The following STK31 variants were observed in gnomAD, a reference collection of about 807,000 sequenced individuals.
STK31 encodes serine/threonine kinase 31.
A neutral mutation model predicts 129.7 loss-of-function variants in STK31; 89 were observed. That is an observed-to-expected ratio of 0.69 (90% CI 0.58 to 0.82). The LOEUF is 0.82. Among genes scored for constraint, STK31 ranks in the 40% least tolerant of loss-of-function variants. The pLI is 0.00. For synonymous variants in STK31, 448 were observed against 395.3 expected, an observed-to-expected ratio of 1.13 and a Z score of -1.58; for missense variants, 1,187 against 1,176.4, an observed-to-expected ratio of 1.01 and a Z score of -0.13.
chr7:23,732,227 C>A (rs151282270), intron 6 of STK31, among the ~76,000 whole-genome samples: 3,409 of 151,508 alleles, frequency 0.023, 55 homozygotes, highest in Non-Finnish European at 0.034. Flanking sequence ...GGGAGGATTG[C>A]TTGAGCTTGA....
chr7:23,802,621 C>G (rs1384368675), intron 22 of STK31, among the ~76,000 whole-genome samples: 1 of 152,192 alleles, frequency 6.6e-6, no homozygotes, highest in Non-Finnish European at 1.5e-5. Flanking sequence ...TCAAATGATT[C>G]TTGTGCCTCA....
chr7:23,824,376 C>G (rs527794861), intron 23 of STK31, among the ~76,000 whole-genome samples: 6 of 152,270 alleles, frequency 3.9e-5, no homozygotes, highest in African/African-American at 1.4e-4. Flanking sequence ...AATGGGAGTT[C>G]ACTGATGATT....
At chr7:23,764,379 C>T (rs1789679638) in intron 11 of STK31, among the ~76,000 whole-genome samples, 1 of 152,146 alleles carries the variant, frequency 6.6e-6, no homozygotes, top group Non-Finnish European at 1.5e-5. Context: ...CTAGTATTCC[C>T]TCAGGTCACC....
rs188891472 is a variant in STK31 at position 23,756,750 on chromosome 7, C to A, written c.1293+2276C>A. ...CTTTCTGCATCTATTGAGATAGTCA[C>A]GTGGTTTTTGTCATTGGTTCTGTTT... is the stretch of plus-strand genomic sequence containing the variant. On this transcript the variant is annotated intron_variant, in intron 10 of 23. Coordinates refer to ENST00000355870, the MANE Select transcript of STK31 (RefSeq NM_031414.5). Among the ~76,000 whole-genome samples the A allele has an allele frequency of 2.0e-5, 3 of 152,216 alleles. No individual in the cohort carries two copies. In the East Asian group the frequency reaches 5.8e-4, roughly 29 times the overall value.
chr7:23,717,628 C>T, intron 4 of STK31, 49 bp downstream of exon 4: 3 of 1,428,676 alleles, frequency 2.1e-6, no homozygotes, highest in South Asian at 2.5e-5. Context: ...TGTCAGCTTT[C>T]CTGTGTCTTA....
upstream of STK31, chr7:23,710,194 C>T (rs908751101): frequency 7.5e-6 from 12 of 1,600,426 alleles, no homozygotes; most frequent in Admixed American, 1.7e-5. Flanking sequence ...CAGCGCTGTG[C>T]ACGCAGGCGC....
At position 23,734,881 on chromosome 7, in the gene STK31, CT is replaced by C. The variant is rs1787626281; in HGVS notation, c.484-655del. Among the ~76,000 whole-genome samples, 5 of 152,158 alleles carry C rather than the reference CT, an allele frequency of 3.3e-5. No individual in the cohort carries two copies. In the South Asian group the frequency reaches 1.0e-3, roughly 32 times the overall value. On this transcript the variant is annotated intron_variant, in intron 6 of 23. Coordinates refer to ENST00000355870, the MANE Select transcript of STK31 (RefSeq NM_031414.5). ...TGGGGAGGCTGAGGCAGGAGAATCGCTTGAACCGGGGAGGCAGAGGTTGCAA... is the reference window on the plus strand; with the variant it reads ...TGGGGAGGCTGAGGCAGGAGAATCGCTGAACCGGGGAGGCAGAGGTTGCAA...
chr7:23,766,854 ATTG>A (rs1435289791), intron 11 of STK31, among the ~76,000 whole-genome samples: 2 of 152,040 alleles, frequency 1.3e-5, no homozygotes, highest in Admixed American at 1.3e-4. Context: ...TGGCTAATCT[ATTG>A]TTTAAAATCT....
chr7:23,784,505 G>T (rs1394647165), intron 17 of STK31, among the ~76,000 whole-genome samples: 3 of 151,994 alleles, frequency 2.0e-5, no homozygotes. Context: ...TGCCACATGG[G>T]ACTTGAAAAT....
At position 23,808,167 on chromosome 7, in the gene STK31, A is replaced by ATTTT. The variant is rs113421154; in HGVS notation, c.2761-6976_2761-6975insTTTT. 3.5e-3 allele frequency among the ~76,000 whole-genome samples: 420 copies of ATTTT among 121,048 alleles called. 7 individuals carry two copies. The highest frequency in any genetic ancestry group is 4.9e-3 in the African/African-American group (172 of 35,326). 79.4% of individuals were successfully genotyped at this position (121,048 alleles called of 152,430 possible). On this transcript the variant is annotated intron_variant, in intron 22 of 23. Coordinates refer to ENST00000355870, the MANE Select transcript of STK31 (RefSeq NM_031414.5). The stretch of plus-strand genomic sequence containing the variant: ...TCCTTTTTAATATATATATATATAT[A>ATTTT]TATTTTTTGTAGGCAGCCACCCTGT...
At chr7:23,750,595 A>G (rs1788653371) in intron 8 of STK31, among the ~76,000 whole-genome samples, 1 of 152,168 alleles carries the variant, frequency 6.6e-6, no homozygotes, top group South Asian at 2.1e-4. Flanking sequence ...TTATTTACAA[A>G]CCACAAATTT....
intron 8 of STK31, among the ~76,000 whole-genome samples, chr7:23,744,696 T>G (rs189685768): frequency 6.6e-6 from 1 of 152,308 alleles, no homozygotes; most frequent in Admixed American, 6.5e-5. Context: ...CTTTGTATGA[T>G]TCCTTTGGAT....
chr7:23,756,224 C>G (rs1789074747), intron 10 of STK31, among the ~76,000 whole-genome samples: 1 of 152,034 alleles, frequency 6.6e-6, no homozygotes, highest in South Asian at 2.1e-4. Context: ...CCCTTATTAG[C>G]TGTATTCCTA....
At chr7:23,794,226 G>C (rs1791812230) in intron 22 of STK31, among the ~76,000 whole-genome samples, 1 of 152,184 alleles carries the variant, frequency 6.6e-6, no homozygotes, top group African/African-American at 2.4e-5. Context: ...AATCATGGGG[G>C]TAGTTTCCCC....
chr7:23,806,299 A>G (rs1354105046), intron 22 of STK31, among the ~76,000 whole-genome samples: 4 of 152,176 alleles, frequency 2.6e-5, no homozygotes, highest in Non-Finnish European at 5.9e-5. Context: ...TTTGTTTGGA[A>G]TACAGGTACA....
intron 6 of STK31, among the ~76,000 whole-genome samples, chr7:23,732,378 A>AT (rs1388289125): frequency 6.6e-6 from 1 of 152,198 alleles, no homozygotes; most frequent in Non-Finnish European, 1.5e-5. Context: ...ATTTCTTATG[A>AT]TAAAAATTAA....
intron 8 of STK31, among the ~76,000 whole-genome samples, chr7:23,742,773 C>G (rs768440743): frequency 2.6e-5 from 4 of 152,020 alleles, no homozygotes; most frequent in Non-Finnish European, 5.9e-5. Context: ...CAAAATGTGT[C>G]TACTTAACTA....
chr7:23,828,671 G>A (rs186465805), intron 23 of STK31, among the ~76,000 whole-genome samples: 14 of 152,254 alleles, frequency 9.2e-5, no homozygotes, highest in South Asian at 2.1e-4. Context: ...GAAATCACCC[G>A]TCTTCTGCGT....
Position 23,832,122 on chromosome 7 carries a change from G to T in STK31, c.2830-14G>T, listed in dbSNP as rs76148499. On this transcript the variant is annotated splice_polypyrimidine_tract_variant and intron_variant, in intron 23 of 23. Coordinates refer to ENST00000355870, the MANE Select transcript of STK31 (RefSeq NM_031414.5). ...TTTGTTCCTTTGTTTTGTAACACCT[G>T]TTTTTCCTTGCAGGATGATAAAGTC... 9.4e-6 allele frequency: 15 copies of T among 1,589,576 alleles called. No individual in the cohort carries two copies. The highest frequency in any genetic ancestry group is 2.2e-5 in the East Asian group (1 of 44,722).
Sources: allele counts gnomAD v4.1 joint callset (sites outside exome capture counted in the v4.1 genomes callset), GRCh38; gene constraint gnomAD v4.1.1; transcripts MANE v1.5; gene names NCBI Gene and HGNC (gene_info 2026-07-23, HGNC 2026-07-21).